PUM2: variants seen among roughly 807,000 people sequenced by gnomAD.
PUM2 encodes pumilio RNA binding family member 2.
A neutral mutation model predicts 124.5 loss-of-function variants in PUM2; 57 were observed. The ratio of observed to expected loss-of-function variants is 0.46; its 90% CI spans 0.37 to 0.57. The LOEUF (loss-of-function observed/expected upper bound fraction) is 0.57. PUM2 is among the 20% of genes least tolerant of loss of function. The probability of loss-of-function intolerance (pLI) is 0.00; values close to 1 mark genes in which losing one functional copy is unlikely to be tolerated. For missense variants in PUM2, 1,065 were observed against 1,290.6 expected, an observed-to-expected ratio of 0.83 and a Z score of 2.68; for synonymous variants, 460 against 446.1, an observed-to-expected ratio of 1.03 and a Z score of -0.39.
intron 13 of PUM2, among the ~76,000 whole-genome samples, chr2:20,275,576 T>A (rs1301664062): frequency 2.0e-5 from 3 of 152,046 alleles, no homozygotes; most frequent in Non-Finnish European, 4.4e-5. Flanking sequence ...ATTAGGTGGA[T>A]CAGGCTGGTC....
At chr2:20,327,024 T>C (rs11900127) in intron 2 of PUM2, among the ~76,000 whole-genome samples, 44,444 of 151,864 alleles carry the variant, frequency 0.29, 6,684 homozygotes, top group Middle Eastern at 0.34. Context: ...AGAGTTTTTT[T>C]CAAGCAAAGC....
intron 1 of PUM2, among the ~76,000 whole-genome samples, chr2:20,331,238 A>T (rs1251556929): frequency 6.6e-6 from 1 of 151,954 alleles, no homozygotes; most frequent in African/African-American, 2.4e-5. Context: ...GAAACTTTTG[A>T]TTCCTTGGTG....
intron 1 of PUM2, among the ~76,000 whole-genome samples, chr2:20,332,284 T>TGTGA (rs977696613): frequency 6.0e-5 from 3 of 50,254 alleles, no homozygotes; most frequent in African/African-American, 1.7e-4. Context: ...ACTACTAGAG[T>TGTGA]GTGTGTGTGT....
chr2:20,257,089 T>C (rs1475470587), intron 16 of PUM2, among the ~76,000 whole-genome samples: 1 of 149,746 alleles, frequency 6.7e-6, no homozygotes, highest in East Asian at 1.9e-4. Context: ...CCAAATAATA[T>C]TGTTATTCAT....
intron 1 of PUM2, among the ~76,000 whole-genome samples, chr2:20,330,655 T>G (rs1353282179): frequency 6.6e-6 from 1 of 152,236 alleles, no homozygotes; most frequent in Non-Finnish European, 1.5e-5. Context: ...CTTTGTAATA[T>G]CCTTTATAAT....
intron 1 of PUM2, among the ~76,000 whole-genome samples, chr2:20,341,663 A>C (rs1173959369): frequency 6.6e-6 from 1 of 152,220 alleles, no homozygotes; most frequent in Non-Finnish European, 1.5e-5. Flanking sequence ...ACTGCATTAC[A>C]GTTTGGAAAC....
At chr2:20,278,459 TAAAAGC>T in intron 13 of PUM2, 118 bp downstream of exon 13, 1 of 878,188 alleles carries the variant, frequency 1.1e-6, no homozygotes, top group Non-Finnish European at 1.7e-6. Flanking sequence ...GACTAATATC[TAAAAGC>T]AAAAGCAATT....
chr2:20,323,115 C>G (rs1330134419), intron 2 of PUM2, among the ~76,000 whole-genome samples: 1 of 152,082 alleles, frequency 6.6e-6, no homozygotes, highest in East Asian at 1.9e-4. Context: ...TTTAATTAAC[C>G]TTTTCTGCGC....
At chr2:20,335,456 A>G (rs1685797498) in intron 1 of PUM2, among the ~76,000 whole-genome samples, 1 of 152,252 alleles carries the variant, frequency 6.6e-6, no homozygotes, top group African/African-American at 2.4e-5. Flanking sequence ...TAAAGATTTA[A>G]CAAAGTTTCT....
At chr2:20,347,232 A>T (rs1420202088) in intron 1 of PUM2, among the ~76,000 whole-genome samples, 1 of 152,218 alleles carries the variant, frequency 6.6e-6, no homozygotes, top group Admixed American at 6.5e-5. Context: ...TAAATAAACA[A>T]TCTGTTTAAA....
intron 15 of PUM2, among the ~76,000 whole-genome samples, chr2:20,258,828 C>T (rs892539553): frequency 1.4e-4 from 21 of 151,230 alleles, no homozygotes; most frequent in African/African-American, 2.4e-4. Flanking sequence ...CCACCGCGCC[C>T]GGCTAATTTT....
At chr2:20,258,193 T>C in intron 16 of PUM2, 50 bp downstream of exon 16, 1 of 1,455,000 alleles carries the variant, frequency 6.9e-7, no homozygotes, top group Non-Finnish European at 9.3e-7. Flanking sequence ...ATGTAATAAT[T>C]TAAAAATTGA....
chr2:20,344,047 T>C (rs185672655), intron 1 of PUM2, among the ~76,000 whole-genome samples: 1 of 146,520 alleles, frequency 6.8e-6, no homozygotes, highest in Non-Finnish European at 1.5e-5. Context: ...TTTCATAGTA[T>C]CATTTTACTT....
upstream of PUM2, chr2:20,350,850 C>G (rs181811042): frequency 4.2e-6 from 4 of 960,772 alleles, no homozygotes; most frequent in East Asian, 1.2e-4. Context: ...CCCCTCCCCC[C>G]CGCCCACCGG....
chr2:20,260,285 CAAG>C (rs1665855026), intron 15 of PUM2, 49 bp downstream of exon 15: 1 of 1,482,782 alleles, frequency 6.7e-7, no homozygotes, highest in Non-Finnish European at 9.1e-7. Flanking sequence ...TTCTTAGCAT[CAAG>C]TATACAACAG....
At chr2:20,329,174 C>CA (rs769818181) in intron 1 of PUM2, among the ~76,000 whole-genome samples, 6,490 of 62,962 alleles carry the variant, frequency 0.1, 233 homozygotes, top group Middle Eastern at 0.16. Context: ...ACCCTGTCTC[C>CA]AAAAAAAAAA....
At chr2:20,294,634 T>C (rs1024996718) in intron 8 of PUM2, 116 bp from the exon 9 acceptor site, 1 of 1,187,898 alleles carries the variant, frequency 8.4e-7, no homozygotes, top group African/African-American at 1.5e-5. Context: ...GAGAAGAACA[T>C]GTCTTTATAA....
chr2:20,285,852 G>A (rs965977740), intron 10 of PUM2, among the ~76,000 whole-genome samples: 1 of 152,120 alleles, frequency 6.6e-6, no homozygotes, highest in Non-Finnish European at 1.5e-5. Flanking sequence ...AGAAGTTATT[G>A]GGCAGTGACA....
At chr2:20,283,601 A>C (rs892128061) in intron 10 of PUM2, 115 bp from the exon 11 acceptor site, 2 of 1,068,280 alleles carry the variant, frequency 1.9e-6, no homozygotes, top group African/African-American at 3.2e-5. Context: ...TACCATTACT[A>C]TAAAATCCTT....
Sources: allele counts gnomAD v4.1 joint callset (sites outside exome capture counted in the v4.1 genomes callset), GRCh38; gene constraint gnomAD v4.1.1; transcripts MANE v1.5; gene names NCBI Gene and HGNC (gene_info 2026-07-23, HGNC 2026-07-21).